The following STYX variants were observed in gnomAD, a reference collection of about 807,000 sequenced individuals.
STYX encodes the protein serine/threonine/tyrosine interacting protein, also known as serine/threonine/tyrosine-interacting protein.
A neutral mutation model predicts 42.7 loss-of-function variants in STYX; 20 were observed. That is an observed-to-expected ratio of 0.47 (90% CI 0.33 to 0.68). The LOEUF (loss-of-function observed/expected upper bound fraction) is 0.68. STYX is among the 30% of genes least tolerant of loss of function. STYX has a pLI of 0.02. For missense variants in STYX, 226 were observed against 268.5 expected, an observed-to-expected ratio of 0.84 and a Z score of 1.11; for synonymous variants, 78 against 81.9, an observed-to-expected ratio of 0.95 and a Z score of 0.26.
intron 9 of STYX, among the ~76,000 whole-genome samples, chr14:52,765,483 T>A (rs1483266519): frequency 6.6e-6 from 1 of 152,024 alleles, no homozygotes; most frequent in African/African-American, 2.4e-5. Flanking sequence ...TCCCAAAGTG[T>A]TGGGATTACA....
rs1882629562 is a variant in STYX at position 52,774,216 on chromosome 14, T to C, written c.*3110T>C. On this transcript the variant is annotated 3_prime_UTR_variant, in exon 11 of 11. Coordinates refer to ENST00000354586, the MANE Select transcript of STYX (RefSeq NM_145251.4). ...ATGCTTCATCTGAGTTTAGAAGTAA[T>C]GTCAGAAAATGTTAAGCATGTCTGT... 1 of 152,188 alleles carries C rather than the reference T, an allele frequency of 6.6e-6. No homozygotes were observed. Among genetic ancestry groups the C allele is most frequent in the Admixed American group, 6.5e-5 (1 of 15,284 alleles). 9.4% of individuals were successfully genotyped at this position (152,188 alleles called of 1,614,324 possible). A position where few individuals can be genotyped will look rare whatever the true frequency, so the allele number is the denominator to read the frequency against.
chr14:52,735,425 A>G (rs1366130241), intron 1 of STYX, among the ~76,000 whole-genome samples: 3 of 152,214 alleles, frequency 2.0e-5, no homozygotes, highest in African/African-American at 7.2e-5. Flanking sequence ...TTCCTTGGCT[A>G]GAGGAGTGAA....
At chr14:52,764,176 A>G (rs989699161) in intron 9 of STYX, among the ~76,000 whole-genome samples, 9 of 152,084 alleles carry the variant, frequency 5.9e-5, no homozygotes, top group Non-Finnish European at 8.8e-5. Context: ...TATTTTTAGT[A>G]GAGACGGGGT....
At position 52,746,494 on chromosome 14, in the gene STYX, A is replaced by G. The variant is rs200218806; in HGVS notation, c.144+15A>G. On this transcript the variant is annotated intron_variant, in intron 3 of 10. Transcript: ENST00000354586. ...TGAAAAGCAAGGTATGAACTTTGTT[A>G]GATTCATCAAGAGAGACTTTTATTA... is the stretch of plus-strand genomic sequence containing the variant. The G allele has an allele frequency of 7.1e-6, 11 of 1,550,154 alleles. No homozygotes were observed. The highest frequency in any genetic ancestry group is 1.4e-5 in the African/African-American group (1 of 69,524).
intron 2 of STYX, among the ~76,000 whole-genome samples, chr14:52,746,205 G>T (rs1486113793): frequency 6.6e-6 from 1 of 151,902 alleles, no homozygotes. Context: ...GAGGCAGAAG[G>T]ATCACTAGAG....
At chr14:52,758,647 C>A (rs948917830) in intron 8 of STYX, among the ~76,000 whole-genome samples, 4 of 152,182 alleles carry the variant, frequency 2.6e-5, no homozygotes, top group Admixed American at 2.6e-4. Flanking sequence ...GCGATCTCAG[C>A]TCACTGCAAC....
chr14:52,737,278 G>A (rs1314393458), intron 1 of STYX, among the ~76,000 whole-genome samples: 10 of 152,048 alleles, frequency 6.6e-5, no homozygotes, highest in Admixed American at 2.6e-4. Context: ...TTTATTTGAG[G>A]GTCTTTGAAC....
intron 9 of STYX, among the ~76,000 whole-genome samples, chr14:52,764,324 G>A (rs532520283): frequency 5.3e-5 from 8 of 152,152 alleles, no homozygotes; most frequent in South Asian, 2.1e-4. Flanking sequence ...AGTTAACCTC[G>A]TTTAATATTG....
intron 4 of STYX, among the ~76,000 whole-genome samples, chr14:52,756,168 A>G (rs1304669353): frequency 6.6e-6 from 1 of 152,136 alleles, no homozygotes; most frequent in Admixed American, 6.6e-5. Flanking sequence ...AGTGCACACC[A>G]CGACACCCAG....
intron 3 of STYX, among the ~76,000 whole-genome samples, chr14:52,748,986 T>G (rs1387152629): frequency 6.6e-6 from 1 of 152,234 alleles, no homozygotes; most frequent in Non-Finnish European, 1.5e-5. Context: ...CTGCAGAAAT[T>G]AACACTTAAA....
At chr14:52,764,996 G>A (rs1337712792) in intron 9 of STYX, among the ~76,000 whole-genome samples, 1 of 152,078 alleles carries the variant, frequency 6.6e-6, no homozygotes, top group East Asian at 1.9e-4. Context: ...ATAGGATTCA[G>A]CCAATCCTAT....
chr14:52,735,818 T>A (rs1348874195), intron 1 of STYX, among the ~76,000 whole-genome samples: 1 of 152,222 alleles, frequency 6.6e-6, no homozygotes, highest in Non-Finnish European at 1.5e-5. Context: ...TACAAGAATA[T>A]TACTTTCACG....
At chr14:52,767,247 T>C (rs1451517995) in intron 9 of STYX, among the ~76,000 whole-genome samples, 1 of 152,184 alleles carries the variant, frequency 6.6e-6, no homozygotes, top group Non-Finnish European at 1.5e-5. Flanking sequence ...AGGATACTCA[T>C]TTCATCATAG....
rs1881332221 is a variant in STYX at position 52,744,843 on chromosome 14, C to T, written c.58-9C>T. 1.2e-6 allele frequency: 2 copies of T among 1,612,610 alleles called. No homozygotes were observed. The highest frequency in any genetic ancestry group is 1.7e-5 in the Admixed American group (1 of 59,798). ...TTATCTACTTTTATTCTTATGTTTT[C>T]CTTCCCAGGAGTGGACCTACCCTAT... On this transcript the variant is annotated splice_polypyrimidine_tract_variant and intron_variant, in intron 1 of 10. Transcript: ENST00000354586.
chr14:52,734,081 G>T (rs1880846150), intron 1 of STYX, among the ~76,000 whole-genome samples: 1 of 152,230 alleles, frequency 6.6e-6, no homozygotes, highest in African/African-American at 2.4e-5. Context: ...CCATTCAGTG[G>T]CTAGAGTGAA....
At chr14:52,767,189 G>T (rs895568221) in intron 9 of STYX, among the ~76,000 whole-genome samples, 3 of 152,182 alleles carry the variant, frequency 2.0e-5, no homozygotes, top group African/African-American at 7.2e-5. Context: ...AGCATTTGAG[G>T]TAGAGGAATA....
chr14:52,730,459 C>T lies in STYX; in HGVS notation c.-16C>T. 1 of 1,613,148 alleles carries T rather than the reference C, an allele frequency of 6.2e-7. No homozygotes were observed. Among genetic ancestry groups the T allele is most frequent in the East Asian group, 2.2e-5 (1 of 44,830 alleles). ...AACACTCTCCCACCCCACCCACCAG[C>T]CCGCGGGCCAGCACCATGGAGGACG... On this transcript the variant is annotated 5_prime_UTR_variant, in exon 1 of 11. Transcript: ENST00000354586.
intron 2 of STYX, 55 bp downstream of exon 2, chr14:52,744,939 C>T: frequency 1.3e-6 from 2 of 1,558,910 alleles, no homozygotes; most frequent in Admixed American, 1.8e-5. Context: ...ATAATAAGAA[C>T]CTTAGTTTAT....
In STYX at chr14:52,771,222, C is replaced by T; in HGVS notation, c.*116C>T. On this transcript the variant is annotated 3_prime_UTR_variant, in exon 11 of 11. Coordinates refer to ENST00000354586, the MANE Select transcript of STYX (RefSeq NM_145251.4). ...TAGTTTTTTTTTCAATTACATGTTGCTTCCAGACATACTTCTCTGCAACTT... is the reference window on the plus strand; with the variant it reads ...TAGTTTTTTTTTCAATTACATGTTGTTTCCAGACATACTTCTCTGCAACTT... 2.3e-6 allele frequency: 2 copies of T among 879,636 alleles called. No individual in the cohort carries two copies. Among genetic ancestry groups the T allele is most frequent in the Non-Finnish European group, 3.4e-6 (2 of 586,092 alleles). The allele number at this position is 879,636 out of a possible 1,614,324, so 54.5% of individuals were successfully genotyped here.
Sources: gnomAD v4.1 joint callset for allele counts (sites outside exome capture counted in the v4.1 genomes callset) on GRCh38, gnomAD v4.1.1 for gene constraint, MANE v1.5 for transcripts, NCBI Gene and HGNC (gene_info 2026-07-23, HGNC 2026-07-21) for gene names.